Variants in GSK3B observed in about 807,000 individuals in gnomAD.
GSK3B encodes the protein glycogen synthase kinase 3 beta.
In GSK3B, 15 loss-of-function variants were observed where a neutral mutation model predicts 56.4. The observed-to-expected ratio is 0.27, with a 90% CI of 0.18 to 0.41. The LOEUF is 0.41. Ranked by LOEUF, GSK3B falls within the 10% of genes least tolerant of loss-of-function variation. The probability of loss-of-function intolerance (pLI) is 1.00; values close to 1 mark genes in which losing one functional copy is unlikely to be tolerated. For synonymous variants in GSK3B, 181 were observed against 188.9 expected (o/e 0.96, Z 0.34); for missense variants, 300 against 513.4 (o/e 0.58, Z 4.02).
chr3:120,071,859 A>G (rs1275750634), intron 1 of GSK3B, among the ~76,000 whole-genome samples: 3 of 152,212 alleles, frequency 2.0e-5, no homozygotes, highest in African/African-American at 7.2e-5. Flanking sequence ...CACTGCCACC[A>G]CATTAAGAAC....
chr3:119,873,280 C>T (rs1426491687), intron 8 of GSK3B, among the ~76,000 whole-genome samples: 1 of 151,974 alleles, frequency 6.6e-6, no homozygotes, highest in African/African-American at 2.4e-5. Flanking sequence ...TATCCCCTTA[C>T]CTCAATGTTT....
chr3:120,018,486 A>G (rs997635679), intron 1 of GSK3B, among the ~76,000 whole-genome samples: 2 of 152,180 alleles, frequency 1.3e-5, no homozygotes, highest in African/African-American at 4.8e-5. Context: ...CAATGACTCT[A>G]TAGTATTAAA....
At chr3:119,928,296 T>C (rs892141564) in intron 3 of GSK3B, among the ~76,000 whole-genome samples, 14 of 151,858 alleles carry the variant, frequency 9.2e-5, no homozygotes, top group African/African-American at 3.4e-4. Flanking sequence ...TAGACATAGG[T>C]AGAATAAAGT....
Position 119,858,533 on chromosome 3 carries a change from A to G in GSK3B, c.1096+4886T>C, listed in dbSNP as rs182215768. 2.6e-4 allele frequency among the ~76,000 whole-genome samples: 39 copies of G among 152,324 alleles called. 1 individual carries two copies. In the East Asian group the frequency reaches 7.3e-3, roughly 29 times the overall value. On this transcript the variant is annotated intron_variant, in intron 9 of 10. Transcript: ENST00000264235. ...CTCAGCCCTTACAGAACTGAGTGAC[A>G]TTAGGGCCTTGCTCTGGATTAGGCT...
chr3:119,881,397 G>GCT (rs376757049), intron 7 of GSK3B, among the ~76,000 whole-genome samples: 232 of 152,202 alleles, frequency 1.5e-3, no homozygotes, highest in Middle Eastern at 3.4e-3. Flanking sequence ...AATTCTTCTA[G>GCT]CTCTAATTCT....
chr3:119,828,400 A>G (rs568862367), intron 10 of GSK3B, among the ~76,000 whole-genome samples: 3 of 152,294 alleles, frequency 2.0e-5, no homozygotes, highest in South Asian at 4.1e-4. Flanking sequence ...TTTTCTCCCA[A>G]AGATTTCACA....
rs1257411907 is a variant in GSK3B, at chr3:119,826,682, A to T, written c.*106T>A. 1.3e-6 allele frequency: 1 copy of T among 776,030 alleles called. No homozygotes were observed. The highest frequency in any genetic ancestry group is 1.9e-5 in the Admixed American group (1 of 52,652). 48.1% of individuals were successfully genotyped at this position (776,030 alleles called of 1,614,324 possible). A position where few individuals can be genotyped will look rare whatever the true frequency, so the allele number is the denominator to read the frequency against. On this transcript the variant is annotated 3_prime_UTR_variant, in exon 11 of 11. Transcript: ENST00000264235. ...AAAAAAATTGAACACTAAAATGAAC[A>T]GGATTTTTTTCTCTTTTTAATATTC...
In GSK3B at chr3:120,094,419, A is replaced by G. The variant is rs182300674; in HGVS notation, c.-985T>C. ...GGCGGCGGCGGCGGCACAAGCCCGC[A>G]TTCGCCCGGGTCAGGAGCTGCTCTG... is the stretch of plus-strand genomic sequence containing the variant. On this transcript the variant is annotated 5_prime_UTR_variant, in exon 1 of 11. The change abolishes an upstream ATG in the 5' untranslated region. Coordinates refer to ENST00000264235, the MANE Select transcript of GSK3B (RefSeq NM_001146156.2). The G allele has an allele frequency of 2.1e-4, 65 of 316,446 alleles. No individual in the cohort carries two copies. Among genetic ancestry groups the G allele is most frequent in the African/African-American group, 1.1e-3 (50 of 45,310 alleles). 19.6% of individuals were successfully genotyped at this position (316,446 alleles called of 1,614,324 possible).
At chr3:120,091,339 A>G (rs1438011935) in intron 1 of GSK3B, among the ~76,000 whole-genome samples, 1 of 152,204 alleles carries the variant, frequency 6.6e-6, no homozygotes, top group Non-Finnish European at 1.5e-5. Flanking sequence ...AAAAACACAT[A>G]ATTAACACTA....
chr3:120,001,124 C>A (rs115105127), intron 2 of GSK3B, among the ~76,000 whole-genome samples: 3 of 143,212 alleles, frequency 2.1e-5, no homozygotes, highest in Non-Finnish European at 4.5e-5. Flanking sequence ...CGGGGTAGAG[C>A]CTGGTGGGAG....
At chr3:119,953,287 A>C (rs957471345) in intron 2 of GSK3B, among the ~76,000 whole-genome samples, 1 of 143,520 alleles carries the variant, frequency 7.0e-6, no homozygotes, top group Non-Finnish European at 1.5e-5. Flanking sequence ...GGAAGAACAA[A>C]TATAACATGA....
At chr3:120,048,616 A>C (rs552136093) in intron 1 of GSK3B, among the ~76,000 whole-genome samples, 1 of 152,344 alleles carries the variant, frequency 6.6e-6, no homozygotes, top group Admixed American at 6.5e-5. Flanking sequence ...TGCTTAGAAC[A>C]GTAGTTGGCA....
At chr3:119,996,632 GTTTAT>G (rs1204031384) in intron 2 of GSK3B, among the ~76,000 whole-genome samples, 1 of 151,326 alleles carries the variant, frequency 6.6e-6, no homozygotes, top group Non-Finnish European at 1.5e-5. Flanking sequence ...GGGTCTCACT[GTTTAT>G]TAATAGTTTT....
chr3:119,973,220 GT>G (rs758580959), intron 2 of GSK3B, among the ~76,000 whole-genome samples: 3 of 152,114 alleles, frequency 2.0e-5, no homozygotes, highest in Non-Finnish European at 4.4e-5. Flanking sequence ...CACAGTTTCA[GT>G]TACCTACAGT....
intron 4 of GSK3B, among the ~76,000 whole-genome samples, chr3:119,923,027 A>C (rs922232646): frequency 1.3e-5 from 2 of 152,238 alleles, no homozygotes; most frequent in Non-Finnish European, 2.9e-5. Context: ...ACTATATTTT[A>C]CAATTTTATA....
intron 3 of GSK3B, among the ~76,000 whole-genome samples, chr3:119,933,078 AAAAC>A (rs758459875): frequency 3.9e-5 from 6 of 152,174 alleles, no homozygotes; most frequent in Admixed American, 6.5e-5. Context: ...CAACCCCTGC[AAAAC>A]AAACAAACAA....
intron 2 of GSK3B, among the ~76,000 whole-genome samples, chr3:119,949,440 CA>C (rs1237060847): frequency 6.6e-6 from 1 of 152,018 alleles, no homozygotes; most frequent in Admixed American, 6.6e-5. Flanking sequence ...TAGGGAACTG[CA>C]AATGTAAAAA....
chr3:119,907,336 G>C (rs1478461413), intron 6 of GSK3B, among the ~76,000 whole-genome samples: 3 of 152,040 alleles, frequency 2.0e-5, no homozygotes, highest in African/African-American at 7.2e-5. Flanking sequence ...GTAAGATTTA[G>C]CTACAAATAT....
intron 7 of GSK3B, among the ~76,000 whole-genome samples, chr3:119,883,282 A>G (rs911308698): frequency 2.0e-5 from 3 of 152,168 alleles, no homozygotes; most frequent in African/African-American, 7.2e-5. Flanking sequence ...TGAAACACTG[A>G]AGAATATTTT....
Sources: allele counts gnomAD v4.1 joint callset (sites outside exome capture counted in the v4.1 genomes callset), GRCh38; gene constraint gnomAD v4.1.1; transcripts MANE v1.5; gene names NCBI Gene and HGNC (gene_info 2026-07-23, HGNC 2026-07-21).